Variants in SGIP1 observed in about 807,000 individuals in gnomAD.
The protein encoded by SGIP1 is SH3GL interacting endocytic adaptor 1.
Under a neutral mutation model 107.5 loss-of-function variants are expected in SGIP1, and 38 were observed. The ratio of observed to expected loss-of-function variants is 0.35; its 90% CI spans 0.27 to 0.46. The LOEUF (loss-of-function observed/expected upper bound fraction) is 0.46. Among genes scored for constraint, SGIP1 ranks in the 20% least tolerant of loss-of-function variants. SGIP1 has a pLI of 1.00. For missense variants in SGIP1, 929 were observed against 1,019.5 expected (o/e 0.91, Z 1.21); for synonymous variants, 365 against 366.1 (o/e 1.00, Z 0.03).
At chr1:66,739,973 C>T (rs2094394292) in intron 22 of SGIP1, among the ~76,000 whole-genome samples, 1 of 152,186 alleles carries the variant, frequency 6.6e-6, no homozygotes, top group African/African-American at 2.4e-5. Context: ...TAGAAGATCC[C>T]CACATCTGAG....
chr1:66,716,691 G>A (rs1352685034), intron 18 of SGIP1, among the ~76,000 whole-genome samples: 7 of 152,028 alleles, frequency 4.6e-5, no homozygotes, highest in Non-Finnish European at 1.0e-4. Context: ...GGAAATTTAT[G>A]ATTCTACTTT....
intron 1 of SGIP1, among the ~76,000 whole-genome samples, chr1:66,608,582 G>A (rs377370572): frequency 1.3e-5 from 2 of 152,196 alleles, no homozygotes; most frequent in African/African-American, 4.8e-5. Flanking sequence ...GTTCTGCTTC[G>A]GGCTGCTGGC....
At chr1:66,631,005 AAAGG>A (rs1290413942) in intron 2 of SGIP1, among the ~76,000 whole-genome samples, 1 of 144,152 alleles carries the variant, frequency 6.9e-6, no homozygotes, top group African/African-American at 2.6e-5. Context: ...AAGGGAAAGG[AAAGG>A]AAGGAAGGGA....
intron 1 of SGIP1, among the ~76,000 whole-genome samples, chr1:66,542,050 C>T (rs2055084660): frequency 6.6e-6 from 1 of 152,066 alleles, no homozygotes; most frequent in African/African-American, 2.4e-5. Flanking sequence ...CCAAGATCCC[C>T]AGCGGATGCC....
chr1:66,565,304 A>G (rs1015016579), intron 1 of SGIP1, among the ~76,000 whole-genome samples: 4 of 152,008 alleles, frequency 2.6e-5, no homozygotes, highest in Non-Finnish European at 4.4e-5. Flanking sequence ...TTTCATTTAT[A>G]TGGGCTCTTA....
intron 7 of SGIP1, among the ~76,000 whole-genome samples, chr1:66,648,934 T>G (rs141914460): frequency 6.6e-6 from 1 of 152,316 alleles, no homozygotes; most frequent in Non-Finnish European, 1.5e-5. Context: ...ATAAGAATCC[T>G]TAAGGACTTT....
chr1:66,565,394 GTCA>G (rs1225465936), intron 1 of SGIP1, among the ~76,000 whole-genome samples: 7 of 151,908 alleles, frequency 4.6e-5, no homozygotes, highest in African/African-American at 1.7e-4. Context: ...TACAAAAACT[GTCA>G]TCATTATCAG....
At chr1:66,534,788 T>A (rs973876531) in intron 1 of SGIP1, among the ~76,000 whole-genome samples, 7 of 152,256 alleles carry the variant, frequency 4.6e-5, no homozygotes, top group African/African-American at 1.7e-4. Flanking sequence ...GAGTTATCCA[T>A]ACAGACATTT....
intron 24 of SGIP1, among the ~76,000 whole-genome samples, chr1:66,742,460 CTT>C (rs764080079): frequency 4.1e-3 from 184 of 45,086 alleles, no homozygotes; most frequent in Non-Finnish European, 6.2e-3. Context: ...AGCACCCTTT[CTT>C]TTTTTTTTTT....
At chr1:66,632,984 G>T in intron 2 of SGIP1, 86 bp from the exon 3 acceptor site, 1 of 849,614 alleles carries the variant, frequency 1.2e-6, no homozygotes, top group Non-Finnish European at 2.0e-6. Context: ...GGAGGATGGT[G>T]GTTATTGGTT....
At chr1:66,561,208 C>G (rs1488961106) in intron 1 of SGIP1, among the ~76,000 whole-genome samples, 1 of 152,030 alleles carries the variant, frequency 6.6e-6, no homozygotes, top group South Asian at 2.1e-4. Context: ...GATGACAAAA[C>G]TGAAGGACAG....
chr1:66,629,414 G>T (rs745863834), intron 2 of SGIP1, among the ~76,000 whole-genome samples: 4 of 152,260 alleles, frequency 2.6e-5, no homozygotes, highest in African/African-American at 7.2e-5. Context: ...CAATTTTAAA[G>T]AGAAATATCA....
At chr1:66,535,743 A>C (rs2053452945) in intron 1 of SGIP1, among the ~76,000 whole-genome samples, 1 of 152,240 alleles carries the variant, frequency 6.6e-6, no homozygotes, top group Non-Finnish European at 1.5e-5. Flanking sequence ...TCTCAGATTA[A>C]ATCATTTTCA....
intron 1 of SGIP1, among the ~76,000 whole-genome samples, chr1:66,565,054 C>T (rs1271452636): frequency 6.6e-6 from 1 of 151,956 alleles, no homozygotes; most frequent in Non-Finnish European, 1.5e-5. Context: ...AGGGGGCAGA[C>T]AGTAGATGTA....
chr1:66,748,980 T>G lies in SGIP1; in HGVS notation c.*5885T>G, dbSNP rs1572533254. On this transcript the variant is annotated 3_prime_UTR_variant, in exon 25 of 25. Coordinates refer to ENST00000371037, the MANE Select transcript of SGIP1 (RefSeq NM_032291.4). ...TTATATATCCTTCAATAATTGTAAA[T>G]AAAATAACCAGGAATGCTTTGAAAA... is the stretch of plus-strand genomic sequence containing the variant. Among the ~76,000 whole-genome samples, 1 of 151,978 alleles carries G rather than the reference T, an allele frequency of 6.6e-6. No individual in the cohort carries two copies. The highest frequency in any genetic ancestry group is 2.1e-4 in the South Asian group (1 of 4,832).
intron 1 of SGIP1, among the ~76,000 whole-genome samples, chr1:66,598,989 T>C (rs961782824): frequency 7.2e-5 from 11 of 151,776 alleles, no homozygotes; most frequent in Non-Finnish European, 1.6e-4. Flanking sequence ...TACAGAAAAA[T>C]GTAGAATGAG....
chr1:66,736,362 T>A (rs2094242409), intron 21 of SGIP1, among the ~76,000 whole-genome samples: 1 of 140,642 alleles, frequency 7.1e-6, no homozygotes, highest in African/African-American at 2.6e-5. Context: ...GTGAATATAA[T>A]ATGATATATG....
intron 18 of SGIP1, among the ~76,000 whole-genome samples, chr1:66,708,045 G>T (rs894364953): frequency 1.3e-5 from 2 of 152,066 alleles, no homozygotes; most frequent in African/African-American, 4.8e-5. Flanking sequence ...GCTAGATCTC[G>T]GATCACAACT....
chr1:66,536,898 C>A (rs980220905), intron 1 of SGIP1, among the ~76,000 whole-genome samples: 2 of 152,172 alleles, frequency 1.3e-5, no homozygotes, highest in Non-Finnish European at 2.9e-5. Flanking sequence ...AAAGCATGGC[C>A]ATGGCAACTT....
Sources: gnomAD v4.1 joint callset for allele counts (sites outside exome capture counted in the v4.1 genomes callset) on GRCh38, gnomAD v4.1.1 for gene constraint, MANE v1.5 for transcripts, NCBI Gene and HGNC (gene_info 2026-07-23, HGNC 2026-07-21) for gene names.